Variants in C17orf75 observed in about 807,000 individuals in gnomAD.
C17orf75 encodes protein Njmu-R1.
A neutral mutation model predicts 49.6 loss-of-function variants in C17orf75; 32 were observed. That is an observed-to-expected ratio of 0.65 (90% CI 0.49 to 0.87). The LOEUF is 0.87. Ranked by LOEUF, C17orf75 falls within the 40% of genes least tolerant of loss-of-function variation. C17orf75 has a pLI of 0.00. For missense variants in C17orf75, 428 were observed against 473.9 expected (o/e 0.90, Z 0.90); for synonymous variants, 158 against 159.5 (o/e 0.99, Z 0.07).
chr17:32,329,201 G>A lies in C17orf75; in HGVS notation c.*2562C>T, dbSNP rs991196748. The A allele has an allele frequency of 6.6e-6, 1 of 152,124 alleles. No individual in the cohort carries two copies. The highest frequency in any genetic ancestry group is 1.5e-5 in the Non-Finnish European group (1 of 68,168). 9.4% of individuals were successfully genotyped at this position (152,124 alleles called of 1,614,324 possible). A position where few individuals can be genotyped will look rare whatever the true frequency, so the allele number is the denominator to read the frequency against. On this transcript the variant is annotated 3_prime_UTR_variant, in exon 10 of 10. Coordinates refer to ENST00000577809, the MANE Select transcript of C17orf75 (RefSeq NM_022344.4). ...CCTGCCTCAGCCTCCCGAGTAGCTG[G>A]AACTACAGACGCCTGCCACCACGCC...
chr17:32,344,955 T>TC (rs773875559), upstream of C17orf75, among the ~76,000 whole-genome samples: 7 of 149,966 alleles, frequency 4.7e-5, no homozygotes, highest in Admixed American at 2.0e-4. Context: ...AGTAATAGAG[T>TC]CCCCCCCAAC....
rs193057634 is a variant in C17orf75 at position 32,335,142 on chromosome 17, A to G, written c.669+181T>C. 5.8e-4 allele frequency among the ~76,000 whole-genome samples: 88 copies of G among 152,326 alleles called. 1 individual carries two copies. Among genetic ancestry groups the G allele is most frequent in the Admixed American group, 5.4e-3 (83 of 15,288 alleles). ...AGGAAGACTCAGCATTTGAAATTCA[A>G]CTCTACCTTAGTAATATCACTTTCT... On this transcript the variant is annotated intron_variant, in intron 6 of 9. Coordinates refer to ENST00000577809, the MANE Select transcript of C17orf75 (RefSeq NM_022344.4).
chr17:32,341,149 A>C, intron 2 of C17orf75, 55 bp downstream of exon 2: 17 of 1,561,294 alleles, frequency 1.1e-5, no homozygotes, highest in South Asian at 2.2e-5. Context: ...TGTACAGGCC[A>C]GAGATGCAGG....
upstream of C17orf75, chr17:32,343,654 T>C (rs2041401646): frequency 1.9e-6 from 1 of 538,668 alleles, no homozygotes; most frequent in Non-Finnish European, 3.3e-6. Context: ...TCTTAAAAGA[T>C]TGTATTGCAG....
intron 2 of C17orf75, among the ~76,000 whole-genome samples, chr17:32,340,506 G>A (rs754693658): frequency 6.6e-6 from 1 of 151,982 alleles, no homozygotes; most frequent in African/African-American, 2.4e-5. Context: ...TTAGCCGGGC[G>A]TGGTGGTGGG....
In C17orf75 at chr17:32,341,185, A is replaced by T. The variant is rs2150778978; in HGVS notation, c.221+19T>A. 1 of 1,612,568 alleles carries T rather than the reference A, an allele frequency of 6.2e-7. No homozygotes were observed. The highest frequency in any genetic ancestry group is 2.2e-5 in the East Asian group (1 of 44,872). ...GAAGATGAAAGCACATGCATGAATT[A>T]TGCTGAAGCTCTTTTTACCTGAAAT... On this transcript the variant is annotated intron_variant, in intron 2 of 9. Transcript: ENST00000577809.
At position 32,328,896 on chromosome 17, in the gene C17orf75, TAAAAC is replaced by T. The variant is rs1405499311; in HGVS notation, c.*2862_*2866del. ...CAGAGCGAGATTCTGTCTTAAAAAA[TAAAAC>T]AAAAACAAAAAAAAAAACAACTTTA... On this transcript the variant is annotated 3_prime_UTR_variant, in exon 10 of 10. Transcript: ENST00000577809. 6 of 96,406 alleles carry T rather than the reference TAAAAC, an allele frequency of 6.2e-5. No homozygotes were observed. Among genetic ancestry groups the T allele is most frequent in the African/African-American group, 1.1e-4 (2 of 18,150 alleles). 6.0% of individuals were successfully genotyped at this position (96,406 alleles called of 1,614,324 possible). A position where few individuals can be genotyped will look rare whatever the true frequency, so the allele number is the denominator to read the frequency against.
chr17:32,346,016 T>C (rs536540586), upstream of C17orf75, among the ~76,000 whole-genome samples: 85 of 152,264 alleles, frequency 5.6e-4, 1 homozygote, highest in Non-Finnish European at 2.4e-4. Flanking sequence ...CCATAAATAT[T>C]TCTCTATGTA....
chr17:32,343,317 T>A (rs1442259075), upstream of C17orf75, among the ~76,000 whole-genome samples: 2 of 150,830 alleles, frequency 1.3e-5, no homozygotes, highest in South Asian at 2.1e-4. Flanking sequence ...TTTTTTTTTT[T>A]ATTTTTAGTA....
chr17:32,339,963 CT>C, intron 2 of C17orf75, 25 bp from the exon 3 acceptor site: 1 of 1,613,018 alleles, frequency 6.2e-7, no homozygotes, highest in South Asian at 1.1e-5. Context: ...GACACACATT[CT>C]TTACCAGTGG....
At chr17:32,350,009 A>T in exon 1 of C17orf75, 3 of 1,326,050 alleles carry the variant, frequency 2.3e-6, no homozygotes, top group Non-Finnish European at 2.9e-6. Flanking sequence ...GAAAGCGAAA[A>T]ACTCTGAAAC....
Position 32,330,724 on chromosome 17 carries a change from T to C in C17orf75, c.*1039A>G, listed in dbSNP as rs1489732403. 1 of 152,238 alleles carries C rather than the reference T, an allele frequency of 6.6e-6. No individual in the cohort carries two copies. Among genetic ancestry groups the C allele is most frequent in the Non-Finnish European group, 1.5e-5 (1 of 68,042 alleles). The allele number at this position is 152,238 out of a possible 1,614,324, so 9.4% of individuals were successfully genotyped here. On this transcript the variant is annotated 3_prime_UTR_variant, in exon 10 of 10. Transcript: ENST00000577809. ...TAAACTGTATGTACTTTGTTTCTTT[T>C]CTCAACACTGTTTTAAAACTCCAGC...
rs1127742 is a variant in C17orf75 at position 32,334,591 on chromosome 17, G to T, written c.749C>A (p.Ala250Asp). The change falls in exon 8 of 10, where the codon GCC (alanine) becomes GAC (aspartate). Residue 250 changes from alanine to aspartate, a missense_variant. By Grantham distance (126) the Ala-to-Asp change is moderately radical. Coordinates refer to ENST00000577809, the MANE Select transcript of C17orf75 (RefSeq NM_022344.4). Reference sequence around the variant, plus strand: ...TTCATGAATAAGTCCTTGAAGACTGGCCACACTCAGAAACCTGCCACACAC... The same window carrying T: ...TTCATGAATAAGTCCTTGAAGACTGTCCACACTCAGAAACCTGCCACACAC... ...KRDINRFLSV[A>D]SLQGLIHEGT... is the part of the protein sequence containing the mutation. The T allele has an allele frequency of 1.2e-6, 2 of 1,611,630 alleles. No homozygotes were observed. Among genetic ancestry groups the T allele is most frequent in the Non-Finnish European group, 8.5e-7 (1 of 1,179,314 alleles).
At chr17:32,334,923 T>C in intron 6 of C17orf75, 84 bp from the exon 7 acceptor site, 1 of 1,118,172 alleles carries the variant, frequency 8.9e-7, no homozygotes, top group East Asian at 2.5e-5. Context: ...TCCCCATAAG[T>C]CCCTACCACA....
chr17:32,346,978 G>T (rs1429370762), upstream of C17orf75, among the ~76,000 whole-genome samples: 3 of 150,966 alleles, frequency 2.0e-5, no homozygotes, highest in Non-Finnish European at 2.9e-5. Context: ...TGGAGCTGGA[G>T]TCTCACTCTG....
At chr17:32,349,993 G>A in exon 1 of C17orf75, 1 of 1,286,516 alleles carries the variant, frequency 7.8e-7, no homozygotes. Context: ...CGCAAGCACA[G>A]CCAGCGAAAG....
upstream of C17orf75, chr17:32,342,278 A>G (rs1423781807): frequency 6.0e-6 from 8 of 1,342,132 alleles, no homozygotes; most frequent in Non-Finnish European, 7.7e-6. Context: ...GCAGGCAAGG[A>G]CTGGCCTGGA....
chr17:32,335,296 G>A (rs761719070), intron 6 of C17orf75, 27 bp downstream of exon 6: 8 of 1,611,104 alleles, frequency 5.0e-6, no homozygotes, highest in Non-Finnish European at 5.9e-6. Flanking sequence ...CTCAGTTAAG[G>A]AAATGCTCTC....
At chr17:32,335,247 A>G (rs2041313460) in intron 6 of C17orf75, 76 bp downstream of exon 6, 3 of 1,527,990 alleles carry the variant, frequency 2.0e-6, no homozygotes, top group Non-Finnish European at 2.7e-6. Flanking sequence ...AGTCATGTTC[A>G]GAGAAAATGA....
Sources: allele counts gnomAD v4.1 joint callset (sites outside exome capture counted in the v4.1 genomes callset), GRCh38; gene constraint gnomAD v4.1.1; transcripts MANE v1.5; gene names NCBI Gene and HGNC (gene_info 2026-07-23, HGNC 2026-07-21).